Variants in POU6F2 observed in about 807,000 individuals in gnomAD.
POU6F2 encodes POU domain, class 6, transcription factor 2.
In POU6F2, 31 loss-of-function variants were observed where a neutral mutation model predicts 71.3. That is an observed-to-expected ratio of 0.43 (90% confidence interval 0.33 to 0.59). The LOEUF is 0.59. Among genes scored for constraint, POU6F2 ranks in the 20% least tolerant of loss-of-function variants. The probability of loss-of-function intolerance (pLI) is 0.04; values close to 1 mark genes in which losing one functional copy is unlikely to be tolerated. For missense variants in POU6F2, 783 were observed against 856.8 expected, an observed-to-expected ratio of 0.91 and a Z score of 1.07; for synonymous variants, 347 against 355.7, an observed-to-expected ratio of 0.98 and a Z score of 0.27.
At chr7:39,405,263 A>G (rs972880350) in intron 5 of POU6F2, among the ~76,000 whole-genome samples, 7 of 152,204 alleles carry the variant, frequency 4.6e-5, no homozygotes, top group Non-Finnish European at 1.0e-4. Context: ...CCTTCTTCAT[A>G]AGATAGTATA....
At chr7:39,450,711 C>CG (rs1788638818) in intron 7 of POU6F2, among the ~76,000 whole-genome samples, 4 of 152,138 alleles carry the variant, frequency 2.6e-5, no homozygotes, top group Admixed American at 2.0e-4. Context: ...ACTAAGAGCT[C>CG]GGGTCCCAGG....
chr7:39,038,846 C>T (rs1403745067), intron 1 of POU6F2, among the ~76,000 whole-genome samples: 1 of 151,908 alleles, frequency 6.6e-6, no homozygotes, highest in African/African-American at 2.4e-5. Context: ...TGATTTGTCT[C>T]AGGCATATGA....
chr7:39,409,337 C>T (rs2237403), intron 6 of POU6F2, among the ~76,000 whole-genome samples: 50,758 of 151,930 alleles, frequency 0.33, 8,737 homozygotes, highest in East Asian at 0.54. Context: ...GAGGTTAGGT[C>T]TGTTGAGAAG....
chr7:39,077,033 G>A (rs963261548), intron 1 of POU6F2, among the ~76,000 whole-genome samples: 8 of 152,168 alleles, frequency 5.3e-5, no homozygotes, highest in Non-Finnish European at 1.2e-4. Context: ...ACTTTAATCT[G>A]TGTTGTATTC....
At chr7:39,056,696 G>A (rs1176027295) in intron 1 of POU6F2, among the ~76,000 whole-genome samples, 2 of 151,204 alleles carry the variant, frequency 1.3e-5, no homozygotes, top group African/African-American at 4.9e-5. Flanking sequence ...GTGTGTGTGT[G>A]TGTGTGTGTA....
At position 39,246,287 on chromosome 7, in the gene POU6F2, G is replaced by A. The variant is rs964623750; in HGVS notation, c.598+38667G>A. Among the ~76,000 whole-genome samples the A allele has an allele frequency of 5.9e-4, 90 of 152,282 alleles. 1 individual carries two copies. Among genetic ancestry groups the A allele is most frequent in the African/African-American group, 2.0e-3 (85 of 41,570 alleles). On this transcript the variant is annotated intron_variant, in intron 4 of 9. Coordinates refer to ENST00000518318, the MANE Select transcript of POU6F2 (RefSeq NM_001370959.1). ...CCAAGGAAGGCCTGGTTTCTGAGGG[G>A]ACATTCTGCTGGGAGGGCTGACATT...
chr7:39,092,328 T>C (rs1436756681), intron 2 of POU6F2, among the ~76,000 whole-genome samples: 1 of 152,184 alleles, frequency 6.6e-6, no homozygotes, highest in Non-Finnish European at 1.5e-5. Context: ...GGAATTTTCT[T>C]GTTTGTTGTC....
intron 1 of POU6F2, among the ~76,000 whole-genome samples, chr7:39,061,005 A>G (rs141172159): frequency 5.2e-4 from 79 of 152,214 alleles, no homozygotes; most frequent in African/African-American, 1.8e-3. Context: ...TTACATGGGT[A>G]ATATCTATTG....
chr7:39,260,414 C>A (rs1784112143), intron 4 of POU6F2, among the ~76,000 whole-genome samples: 2 of 150,750 alleles, frequency 1.3e-5, no homozygotes, highest in Admixed American at 1.3e-4. Flanking sequence ...ACACCACACA[C>A]CAGAAACACA....
intron 4 of POU6F2, among the ~76,000 whole-genome samples, chr7:39,252,957 C>T (rs1052982692): frequency 4.6e-5 from 7 of 152,186 alleles, no homozygotes; most frequent in Admixed American, 6.5e-5. Flanking sequence ...CACCTCCTAG[C>T]CCCCAAAGAA....
chr7:39,279,463 T>C (rs1784520990), intron 4 of POU6F2, among the ~76,000 whole-genome samples: 1 of 152,222 alleles, frequency 6.6e-6, no homozygotes, highest in Non-Finnish European at 1.5e-5. Flanking sequence ...TAATACATTG[T>C]TTTCCTAGGG....
chr7:39,204,719 A>G (rs1350690521), intron 3 of POU6F2, among the ~76,000 whole-genome samples: 1 of 152,212 alleles, frequency 6.6e-6, no homozygotes, highest in African/African-American at 2.4e-5. Context: ...GTGATTTAAT[A>G]TAAAAAAGTT....
At chr7:39,043,770 G>A (rs141008156) in intron 1 of POU6F2, among the ~76,000 whole-genome samples, 3 of 152,030 alleles carry the variant, frequency 2.0e-5, no homozygotes, top group African/African-American at 7.2e-5. Context: ...TACCTGGCAT[G>A]GACTTGGTTT....
chr7:39,328,095 AT>A (rs1391612447), intron 4 of POU6F2, among the ~76,000 whole-genome samples: 1 of 152,054 alleles, frequency 6.6e-6, no homozygotes, highest in Non-Finnish European at 1.5e-5. Flanking sequence ...TAATTTTTGT[AT>A]TTTTAGGAGA....
intron 1 of POU6F2, among the ~76,000 whole-genome samples, chr7:39,073,533 A>G (rs900098566): frequency 8.5e-5 from 13 of 152,330 alleles, no homozygotes; most frequent in African/African-American, 3.1e-4. Flanking sequence ...TTAAAAGCTC[A>G]GAAGCCTTTT....
At chr7:39,182,667 C>T (rs1296609433) in intron 2 of POU6F2, among the ~76,000 whole-genome samples, 1 of 152,134 alleles carries the variant, frequency 6.6e-6, no homozygotes, top group Non-Finnish European at 1.5e-5. Context: ...CTCGGTTTAA[C>T]TCCTGGGCTC....
intron 1 of POU6F2, among the ~76,000 whole-genome samples, chr7:39,023,916 T>G (rs1033512686): frequency 3.9e-5 from 6 of 152,098 alleles, no homozygotes; most frequent in Admixed American, 2.6e-4. Context: ...TGTGATAGTT[T>G]ACTAACACTA....
At chr7:39,180,584 C>T (rs1286425575) in intron 2 of POU6F2, among the ~76,000 whole-genome samples, 3 of 152,132 alleles carry the variant, frequency 2.0e-5, no homozygotes, top group Non-Finnish European at 2.9e-5. Context: ...ACTCCAGCCT[C>T]GTGTCTCCGC....
chr7:39,244,170 G>A (rs1221002887), intron 4 of POU6F2, among the ~76,000 whole-genome samples: 4 of 152,074 alleles, frequency 2.6e-5, no homozygotes, highest in Non-Finnish European at 4.4e-5. Context: ...AAACATTTTT[G>A]TCATGAGACA....
Sources: gnomAD v4.1 joint callset for allele counts (sites outside exome capture counted in the v4.1 genomes callset) on GRCh38, gnomAD v4.1.1 for gene constraint, MANE v1.5 for transcripts, NCBI Gene and HGNC (gene_info 2026-07-23, HGNC 2026-07-21) for gene names.